The following IQCH variants were observed in gnomAD, a reference collection of about 807,000 sequenced individuals.
IQCH encodes IQ motif containing H.
IQCH carries 98 observed loss-of-function variants against 117.0 expected under a neutral mutation model. The ratio of observed to expected loss-of-function variants is 0.84; its 90% CI spans 0.71 to 0.99. The LOEUF (loss-of-function observed/expected upper bound fraction) is 0.99, where lower values mean the gene tolerates loss of function less well. Ranked by LOEUF, IQCH falls within the 50% of genes least tolerant of loss-of-function variation. The probability of loss-of-function intolerance (pLI) is 0.00; values close to 1 mark genes in which losing one functional copy is unlikely to be tolerated. For synonymous variants in IQCH, 412 were observed against 448.2 expected (o/e 0.92, Z 1.02); for missense variants, 1,102 against 1,243.8 (o/e 0.89, Z 1.72).
intron 10 of IQCH, chr15:67,373,771 G>A: frequency 2.6e-6 from 1 of 384,780 alleles, no homozygotes; most frequent in Non-Finnish European, 4.8e-6. Context: ...AAGAACACAG[G>A]CTTGTATGTG....
At chr15:67,325,223 ATATTT>A (rs1968351733) in intron 4 of IQCH, among the ~76,000 whole-genome samples, 1 of 152,092 alleles carries the variant, frequency 6.6e-6, no homozygotes, top group Admixed American at 6.6e-5. Context: ...TTTATTTGAA[ATATTT>A]TACTTTCAGT....
In IQCH at chr15:67,365,913, G is replaced by A. The variant is rs1163938521; in HGVS notation, c.753+6028G>A. 6.6e-6 allele frequency among the ~76,000 whole-genome samples: 1 copy of A among 152,144 alleles called. No individual in the cohort carries two copies. The highest frequency in any genetic ancestry group is 1.5e-5 in the Non-Finnish European group (1 of 68,024). On this transcript the variant is annotated intron_variant, in intron 8 of 20. Transcript: ENST00000335894. The surrounding 1 kb of genome is among the most constrained non-coding windows in gnomAD (Gnocchi z 4.4). ...CCACTGCACACTAGCCTGGGCAGCAGAGGAAGACTCTGTCTCAAAAACAAA... is the reference window on the plus strand; with the variant it reads ...CCACTGCACACTAGCCTGGGCAGCAAAGGAAGACTCTGTCTCAAAAACAAA...
At position 67,424,686 on chromosome 15, in the gene IQCH, G is replaced by C. The variant is rs577652131; in HGVS notation, c.2505+3109G>C. On this transcript the variant is annotated intron_variant, in intron 16 of 20. Coordinates refer to ENST00000335894, the MANE Select transcript of IQCH (RefSeq NM_001031715.3). The surrounding 1 kb of genome is among the most constrained non-coding windows in gnomAD (Gnocchi z 4.9). ...GCTCAAACATTCATTGGATGAATGG[G>C]ATAGATAGATATTAGATTCTCTGAT... 6.6e-6 allele frequency among the ~76,000 whole-genome samples: 1 copy of C among 152,102 alleles called. No individual in the cohort carries two copies. The highest frequency in any genetic ancestry group is 1.5e-5 in the Non-Finnish European group (1 of 68,006).
In IQCH at chr15:67,433,957, C is replaced by T. The variant is rs1056228113; in HGVS notation, c.2505+12380C>T. On this transcript the variant is annotated intron_variant, in intron 16 of 20. Coordinates refer to ENST00000335894, the MANE Select transcript of IQCH (RefSeq NM_001031715.3). The surrounding 1 kb of genome is among the most constrained non-coding windows in gnomAD (Gnocchi z 5.4). ...CGATCCCAGCTTTATTGAGGTATAACTAACCCAAAAAAAGTATTTTTATTT... is the reference window on the plus strand; with the variant it reads ...CGATCCCAGCTTTATTGAGGTATAATTAACCCAAAAAAAGTATTTTTATTT... Among the ~76,000 whole-genome samples the T allele has an allele frequency of 6.6e-6, 1 of 152,110 alleles. No individual in the cohort carries two copies. Among genetic ancestry groups the T allele is most frequent in the African/African-American group, 2.4e-5 (1 of 41,418 alleles).
intron 5 of IQCH, among the ~76,000 whole-genome samples, chr15:67,338,775 T>G (rs1352248218): frequency 6.6e-6 from 1 of 152,112 alleles, no homozygotes; most frequent in Non-Finnish European, 1.5e-5. Context: ...TTGAGGCAAA[T>G]TGCTCTCTGA....
chr15:67,500,978 CCTT>C lies in IQCH; in HGVS notation c.*241_*243del, dbSNP rs796348439. On this transcript the variant is annotated 3_prime_UTR_variant, in exon 21 of 21. Coordinates refer to ENST00000335894, the MANE Select transcript of IQCH (RefSeq NM_001031715.3). The surrounding 1 kb of genome is among the most constrained non-coding windows in gnomAD (Gnocchi z 4.4). ...TTTCATTTGAGAGTGTTGAACAATC[CCTT>C]CTTCTTCTCAAACTCAGAAAAAAGT... The C allele has an allele frequency of 1.8e-4, 50 of 285,188 alleles. No homozygotes were observed. Among genetic ancestry groups the C allele is most frequent in the African/African-American group, 9.6e-4 (44 of 45,794 alleles). 17.7% of individuals were successfully genotyped at this position (285,188 alleles called of 1,614,324 possible).
At chr15:67,399,299 T>G (rs4776927) in intron 13 of IQCH, among the ~76,000 whole-genome samples, 149,557 of 152,290 alleles carry the variant, frequency 0.98, 73,502 homozygotes, top group Non-Finnish European at 1. Context: ...TCATAGATTA[T>G]GGTATTAAAT....
At chr15:67,484,011 A>C (rs2083407293) in intron 18 of IQCH, among the ~76,000 whole-genome samples, 1 of 152,248 alleles carries the variant, frequency 6.6e-6, no homozygotes, top group Non-Finnish European at 1.5e-5. Context: ...CTTCAAAAGG[A>C]CCAAACTCTA....
chr15:67,293,140 C>T (rs1966806246), intron 4 of IQCH, among the ~76,000 whole-genome samples: 1 of 152,146 alleles, frequency 6.6e-6, no homozygotes, highest in Admixed American at 6.6e-5. Flanking sequence ...ATCTGTTGTA[C>T]AGTGAGTGTT....
chr15:67,273,106 T>C (rs1216866835), intron 3 of IQCH, among the ~76,000 whole-genome samples: 1 of 152,226 alleles, frequency 6.6e-6, no homozygotes, highest in East Asian at 1.9e-4. Context: ...GGTCTCTCTC[T>C]GTCGCCCAGG....
rs551556730 is a variant in IQCH at position 67,423,587 on chromosome 15, CA to C, written c.2505+2026del. ...TGGGTGACAGAGTGAGAACCTGTCT[CA>C]AAAAAAAAAAAAAAAGAAAGAAAAG... On this transcript the variant is annotated intron_variant, in intron 16 of 20. Coordinates refer to ENST00000335894, the MANE Select transcript of IQCH (RefSeq NM_001031715.3). 3.8e-3 allele frequency among the ~76,000 whole-genome samples: 292 copies of C among 76,716 alleles called. 1 individual carries two copies. The highest frequency in any genetic ancestry group is 7.1e-3 in the African/African-American group (139 of 19,634). The allele number at this position is 76,716 out of a possible 152,430, so 50.3% of individuals were successfully genotyped here. A position where few individuals can be genotyped will look rare whatever the true frequency, so the allele number is the denominator to read the frequency against.
chr15:67,455,532 A>C (rs2082639007), intron 16 of IQCH, among the ~76,000 whole-genome samples: 1 of 152,216 alleles, frequency 6.6e-6, no homozygotes, highest in African/African-American at 2.4e-5. Context: ...AGAAACTGGG[A>C]AGGAAAGGGG....
chr15:67,264,100 A>G (rs923217935), intron 3 of IQCH, among the ~76,000 whole-genome samples: 4 of 152,220 alleles, frequency 2.6e-5, no homozygotes. Context: ...TTGGGTGTAC[A>G]TTGGACCTGT....
chr15:67,434,793 T>C (rs1320738967), intron 16 of IQCH, among the ~76,000 whole-genome samples: 1 of 149,242 alleles, frequency 6.7e-6, no homozygotes, highest in Non-Finnish European at 1.5e-5. Flanking sequence ...TTCTTTTTTT[T>C]TTTTTTTTGA....
In IQCH at chr15:67,501,614, G is replaced by C. The variant is rs1214594426; in HGVS notation, c.*868G>C. On this transcript the variant is annotated 3_prime_UTR_variant, in exon 21 of 21. Transcript: ENST00000335894. This position sits in a 1 kb window ranked among gnomAD's most constrained non-coding sequence, Gnocchi z 5.2. ...TCCACATCAGTGAGCTTTACTGAAG[G>C]GTGAAATAAAAGCAAATTACAACAC... 2.0e-5 allele frequency: 3 copies of C among 152,140 alleles called. No homozygotes were observed. The highest frequency in any genetic ancestry group is 3.9e-4 in the East Asian group (2 of 5,182). The allele number at this position is 152,140 out of a possible 1,614,324, so 9.4% of individuals were successfully genotyped here. A position where few individuals can be genotyped will look rare whatever the true frequency, so the allele number is the denominator to read the frequency against.
intron 4 of IQCH, chr15:67,307,308 TTTCCACTAACTTAGTTGGG>T (rs1967349453): frequency 8.6e-6 from 3 of 349,906 alleles, no homozygotes; most frequent in Non-Finnish European, 1.2e-5. Flanking sequence ...TATGCAGTGT[TTTCCACTAACTTAGTTGGG>T]TAGCAACCAC....
At position 67,476,536 on chromosome 15, in the gene IQCH, A is replaced by G. The variant is rs2083205153; in HGVS notation, c.2799+718A>G. ...CATAGCATCCTCCTACTGATATTTGATAATTTATTTCTGAAGGGAGTTCTG... is the reference window on the plus strand; with the variant it reads ...CATAGCATCCTCCTACTGATATTTGGTAATTTATTTCTGAAGGGAGTTCTG... On this transcript the variant is annotated intron_variant, in intron 18 of 20. Transcript: ENST00000335894. The surrounding 1 kb of genome is among the most constrained non-coding windows in gnomAD (Gnocchi z 4.1). Among the ~76,000 whole-genome samples, 1 of 152,214 alleles carries G rather than the reference A, an allele frequency of 6.6e-6. No homozygotes were observed. Among genetic ancestry groups the G allele is most frequent in the Non-Finnish European group, 1.5e-5 (1 of 68,036 alleles).
chr15:67,389,683 A>G (rs1215608446), intron 12 of IQCH, among the ~76,000 whole-genome samples: 3 of 152,198 alleles, frequency 2.0e-5, no homozygotes, highest in African/African-American at 7.2e-5. Context: ...CAACAGTTTA[A>G]TACCTAATGG....
chr15:67,276,691 A>G (rs563720331), intron 3 of IQCH, among the ~76,000 whole-genome samples: 2 of 152,228 alleles, frequency 1.3e-5, no homozygotes, highest in South Asian at 4.1e-4. Context: ...AAAGTTCAAT[A>G]TAATTATTAT....
Sources: gnomAD v4.1 joint callset for allele counts (sites outside exome capture counted in the v4.1 genomes callset) on GRCh38, gnomAD v4.1.1 for gene constraint, Gnocchi (gnomAD v3.1) non-coding constraint, MANE v1.5 for transcripts, NCBI Gene and HGNC (gene_info 2026-07-23, HGNC 2026-07-21) for gene names.